CACNA1B: variants seen among roughly 807,000 people sequenced by gnomAD.
CACNA1B encodes the protein calcium voltage-gated channel subunit alpha1 B.
CACNA1B carries 70 observed loss-of-function variants against 247.2 expected under a neutral mutation model. The observed-to-expected ratio is 0.28, with a 90% CI of 0.23 to 0.35. The LOEUF (loss-of-function observed/expected upper bound fraction) is 0.35, where lower values mean the gene tolerates loss of function less well. Among genes scored for constraint, CACNA1B ranks in the 10% least tolerant of loss-of-function variants. The pLI, the probability that CACNA1B is intolerant of heterozygous loss-of-function variation, is 1.00. For synonymous variants in CACNA1B, 1,231 were observed against 1,294.4 expected (o/e 0.95, Z 1.05); for missense variants, 2,367 against 3,197.4 (o/e 0.74, Z 6.26).
At chr9:138,001,721 G>A (rs930495887) in intron 15 of CACNA1B, among the ~76,000 whole-genome samples, 3 of 151,830 alleles carry the variant, frequency 2.0e-5, no homozygotes, top group African/African-American at 7.3e-5. Flanking sequence ...GCTGAACATA[G>A]GATAAATGTA....
chr9:138,117,834 CT>C (rs1238525160), intron 42 of CACNA1B, 111 bp from the exon 43 acceptor site: 3 of 828,208 alleles, frequency 3.6e-6, no homozygotes, highest in African/African-American at 3.5e-5. Flanking sequence ...GCCAAACCCC[CT>C]GACCTCTGCT....
rs549485859 is a variant in CACNA1B at position 138,050,108 on chromosome 9, A to C, written c.3710+793A>C. On this transcript the variant is annotated intron_variant, in intron 24 of 46. Coordinates refer to ENST00000371372, the MANE Select transcript of CACNA1B (RefSeq NM_000718.4). The surrounding 1 kb of genome is among the most constrained non-coding windows in gnomAD (Gnocchi z 5.2). ...TGGGGTAATGCCTTCTCTCCCCCAC[A>C]CGCTGCCCCTGACATCACAGCATTC... 9.4e-5 allele frequency: 121 copies of C among 1,287,328 alleles called. No individual in the cohort carries two copies. In the African/African-American group the frequency reaches 1.7e-3, roughly 19 times the overall value. The allele number at this position is 1,287,328 out of a possible 1,614,324, so 79.7% of individuals were successfully genotyped here. A position where few individuals can be genotyped will look rare whatever the true frequency, so the allele number is the denominator to read the frequency against.
chr9:137,949,385 G>C (rs1386755234), intron 6 of CACNA1B, among the ~76,000 whole-genome samples: 1 of 149,844 alleles, frequency 6.7e-6, no homozygotes, highest in Non-Finnish European at 1.5e-5. Context: ...GTGCATGTGT[G>C]TGGTGTGTGC....
At chr9:137,892,190 G>T (rs1957111208) in intron 3 of CACNA1B, 1 of 456,696 alleles carries the variant, frequency 2.2e-6, no homozygotes, top group Admixed American at 2.4e-5. Flanking sequence ...TGCTGGGGAG[G>T]CTGGAGCAAA....
At chr9:137,948,930 T>C (rs1251770173) in intron 6 of CACNA1B, among the ~76,000 whole-genome samples, 1 of 144,508 alleles carries the variant, frequency 6.9e-6, no homozygotes, top group Non-Finnish European at 1.5e-5. Flanking sequence ...GTCTCTGTGG[T>C]GTGTTTGTGT....
At chr9:138,096,961 C>T (rs957999419) in intron 37 of CACNA1B, among the ~76,000 whole-genome samples, 1 of 151,500 alleles carries the variant, frequency 6.6e-6, no homozygotes, top group African/African-American at 2.4e-5. Context: ...CTTTCAAGGC[C>T]TGTCATGTGA....
intron 3 of CACNA1B, among the ~76,000 whole-genome samples, chr9:137,912,685 T>A (rs1957371241): frequency 6.6e-6 from 1 of 152,186 alleles, no homozygotes; most frequent in African/African-American, 2.4e-5. Context: ...CACTTCCCTG[T>A]CTTCCTGAGA....
At chr9:137,964,880 TG>T in intron 10 of CACNA1B, among the ~76,000 whole-genome samples, 1 of 152,218 alleles carries the variant, frequency 6.6e-6, no homozygotes, top group East Asian at 1.9e-4. Flanking sequence ...ATGGGGTTTT[TG>T]TGTTTTGTTG....
Position 138,050,461 on chromosome 9 carries a change from G to A in CACNA1B, c.3710+1146G>A. Among the ~76,000 whole-genome samples the A allele has an allele frequency of 6.6e-6, 1 of 152,230 alleles. No individual in the cohort carries two copies. The highest frequency in any genetic ancestry group is 1.9e-4 in the East Asian group (1 of 5,190). On this transcript the variant is annotated intron_variant, in intron 24 of 46. Coordinates refer to ENST00000371372, the MANE Select transcript of CACNA1B (RefSeq NM_000718.4). The surrounding 1 kb of genome is among the most constrained non-coding windows in gnomAD (Gnocchi z 5.2). ...GGCGCTCCCGGTGCAGCTCCTCTCT[G>A]GAAGAGCGGCATTCTTTCCTCTGTT...
chr9:138,058,339 G>C lies in CACNA1B; in HGVS notation c.4308+89G>C. 3 of 1,210,624 alleles carry C rather than the reference G, an allele frequency of 2.5e-6. No individual in the cohort carries two copies. Among genetic ancestry groups the C allele is most frequent in the Non-Finnish European group, 3.6e-6 (3 of 828,946 alleles). 75.0% of individuals were successfully genotyped at this position (1,210,624 alleles called of 1,614,324 possible). A position where few individuals can be genotyped will look rare whatever the true frequency, so the allele number is the denominator to read the frequency against. The stretch of plus-strand genomic sequence containing the variant: ...CTGCACACAAATCACTCACAGCTGG[G>C]TCAGCTTTGGCTGCCACCGTCTGCC... On this transcript the variant is annotated intron_variant, in intron 28 of 46. Transcript: ENST00000371372. This position sits in a 1 kb window ranked among gnomAD's most constrained non-coding sequence, Gnocchi z 4.7.
intron 6 of CACNA1B, among the ~76,000 whole-genome samples, chr9:137,928,121 C>T (rs980017783): frequency 2.6e-5 from 4 of 152,016 alleles, no homozygotes; most frequent in African/African-American, 9.7e-5. Flanking sequence ...GTTGTTGAGA[C>T]GGAGTCTTGC....
At chr9:138,040,834 A>T (rs1429952060) in intron 20 of CACNA1B, among the ~76,000 whole-genome samples, 4 of 152,146 alleles carry the variant, frequency 2.6e-5, no homozygotes, top group Non-Finnish European at 5.9e-5. Context: ...CAGCATCAAT[A>T]CTTTGTATCC....
chr9:137,966,105 C>T (rs1300509439), intron 10 of CACNA1B, among the ~76,000 whole-genome samples: 1 of 152,118 alleles, frequency 6.6e-6, no homozygotes, highest in Non-Finnish European at 1.5e-5. Flanking sequence ...TTGTTGCTAT[C>T]ACTGGTTTTG....
chr9:138,034,199 T>C (rs1235828000), intron 20 of CACNA1B, among the ~76,000 whole-genome samples: 1 of 152,190 alleles, frequency 6.6e-6, no homozygotes, highest in Non-Finnish European at 1.5e-5. Flanking sequence ...CACTAGGGCT[T>C]GCTCCATTGA....
intron 15 of CACNA1B, among the ~76,000 whole-genome samples, chr9:137,987,820 T>A (rs1958384851): frequency 6.6e-6 from 1 of 152,180 alleles, no homozygotes; most frequent in Middle Eastern, 3.2e-3. Flanking sequence ...TTCTCACATC[T>A]TCCCACTCAC....
At position 137,954,903 on chromosome 9, in the gene CACNA1B, G is replaced by T. The variant is rs543831494; in HGVS notation, c.1071-795G>T. Among the ~76,000 whole-genome samples the T allele has an allele frequency of 1.8e-5, 2 of 111,244 alleles. No individual in the cohort carries two copies. Among genetic ancestry groups the T allele is most frequent in the East Asian group, 8.8e-4 (2 of 2,260 alleles). The allele number at this position is 111,244 out of a possible 152,430, so 73.0% of individuals were successfully genotyped here. A position where few individuals can be genotyped will look rare whatever the true frequency, so the allele number is the denominator to read the frequency against. ...GTGAGAGAGAGAGAGAGAGAGAGAG[G>T]GGGAGAGAGAGAGAGAGAGAATGGC... On this transcript the variant is annotated intron_variant, in intron 7 of 46. Coordinates refer to ENST00000371372, the MANE Select transcript of CACNA1B (RefSeq NM_000718.4). The surrounding 1 kb of genome is among the most constrained non-coding windows in gnomAD (Gnocchi z 4.1).
At chr9:138,009,315 C>A (rs1958694851) in intron 16 of CACNA1B, among the ~76,000 whole-genome samples, 1 of 152,254 alleles carries the variant, frequency 6.6e-6, no homozygotes, top group South Asian at 2.1e-4. Flanking sequence ...GGAACCAGAT[C>A]ATGCCATCTG....
At chr9:137,960,489 GAGACGCCGCCAGGGAGGGGAGGTCAGCC>G (rs1958007673) in intron 10 of CACNA1B, among the ~76,000 whole-genome samples, 2 of 78,512 alleles carry the variant, frequency 2.5e-5, no homozygotes, top group East Asian at 4.4e-4. Context: ...GGGGAGATGC[GAGACGCCGCCAGGGAGGGGAGGTCAGCC>G]TGAGGGATGC....
intron 15 of CACNA1B, among the ~76,000 whole-genome samples, chr9:137,999,597 C>T (rs772374403): frequency 5.3e-5 from 8 of 152,192 alleles, no homozygotes; most frequent in East Asian, 1.9e-4. Context: ...ACTGCAGCCT[C>T]GAACTGGGTT....
Sources: gnomAD v4.1 joint callset for allele counts (sites outside exome capture counted in the v4.1 genomes callset) on GRCh38, gnomAD v4.1.1 for gene constraint, Gnocchi (gnomAD v3.1) non-coding constraint, MANE v1.5 for transcripts, NCBI Gene and HGNC (gene_info 2026-07-23, HGNC 2026-07-21) for gene names.